SLC44A5: variants seen among roughly 807,000 people sequenced by gnomAD.
The protein encoded by SLC44A5 is choline transporter-like protein 5.
A neutral mutation model predicts 101.8 loss-of-function variants in SLC44A5; 57 were observed. That is an observed-to-expected ratio of 0.56 (90% confidence interval 0.45 to 0.70). SLC44A5 has a LOEUF of 0.70. Ranked by LOEUF, SLC44A5 falls within the 30% of genes least tolerant of loss-of-function variation. SLC44A5 has a pLI of 0.00. For synonymous variants in SLC44A5, 281 were observed against 290.9 expected (o/e 0.97, Z 0.35); for missense variants, 737 against 853.1 (o/e 0.86, Z 1.70).
At chr1:75,229,432 C>T (rs1319657936) in intron 12 of SLC44A5, among the ~76,000 whole-genome samples, 1 of 152,104 alleles carries the variant, frequency 6.6e-6, no homozygotes, top group African/African-American at 2.4e-5. Flanking sequence ...ACTCAGTACA[C>T]CCATCCACAC....
At chr1:75,458,294 C>T (rs1279707039) in intron 2 of SLC44A5, among the ~76,000 whole-genome samples, 1 of 152,066 alleles carries the variant, frequency 6.6e-6, no homozygotes, top group East Asian at 1.9e-4. Flanking sequence ...GGGCATAAAG[C>T]ATGAAGAAAT....
At chr1:75,246,755 G>A (rs1649143494) in intron 7 of SLC44A5, among the ~76,000 whole-genome samples, 1 of 151,962 alleles carries the variant, frequency 6.6e-6, no homozygotes, top group African/African-American at 2.4e-5. Flanking sequence ...TGGACAGGAT[G>A]AGCAATCAAG....
At chr1:75,641,852 T>G in the SLC44A5 span, 1 of 1,514,518 alleles carries the variant, frequency 6.6e-7, no homozygotes. Context: ...AACCTCCTCT[T>G]CAAATACCAC....
chr1:75,357,037 C>A (rs1170079637), intron 3 of SLC44A5, among the ~76,000 whole-genome samples: 2 of 152,192 alleles, frequency 1.3e-5, no homozygotes, highest in African/African-American at 4.8e-5. Flanking sequence ...TATTCCCATC[C>A]TTAAGTGGCA....
In SLC44A5 at chr1:75,303,231, TTTTG is replaced by T. The variant is rs199575450; in HGVS notation, c.102-2550_102-2547del. The stretch of plus-strand genomic sequence containing the variant: ...CAGAAGCGGATCCCAAATGGAAGGT[TTTTG>T]TTTGTTTGTTTGTTTTTTGAGCCGG... On this transcript the variant is annotated intron_variant, in intron 4 of 23. Coordinates refer to ENST00000370859, the MANE Select transcript of SLC44A5 (RefSeq NM_001130058.2). Among the ~76,000 whole-genome samples the T allele has an allele frequency of 5.8e-3, 883 of 152,092 alleles. 5 individuals are homozygous for T. Among genetic ancestry groups the T allele is most frequent in the African/African-American group, 0.02 (838 of 41,492 alleles).
chr1:75,582,301 A>G, intron 1 of SLC44A5: 6 of 1,524,346 alleles, frequency 3.9e-6, no homozygotes, highest in Non-Finnish European at 5.4e-6. Flanking sequence ...GTGCACGTGC[A>G]AAGGCTATCA....
intron 3 of SLC44A5, among the ~76,000 whole-genome samples, chr1:75,374,365 A>G (rs917117603): frequency 2.6e-5 from 4 of 152,154 alleles, no homozygotes; most frequent in African/African-American, 9.7e-5. Context: ...GGCTTAGAGG[A>G]CCAGTAGGTC....
intron 2 of SLC44A5, among the ~76,000 whole-genome samples, chr1:75,463,187 C>T (rs774416780): frequency 3.3e-5 from 5 of 152,000 alleles, no homozygotes; most frequent in Admixed American, 2.0e-4. Context: ...TTTGGAAGGC[C>T]GAGGCAGGCG....
chr1:75,686,102 G>C, the SLC44A5 span, among the ~76,000 whole-genome samples: 1 of 152,092 alleles, frequency 6.6e-6, no homozygotes, highest in African/African-American at 2.4e-5. Flanking sequence ...CCACCCCCAT[G>C]GTTCAATTAC....
At chr1:75,643,788 C>T in the SLC44A5 span, among the ~76,000 whole-genome samples, 1 of 152,240 alleles carries the variant, frequency 6.6e-6, no homozygotes, top group African/African-American at 2.4e-5. Flanking sequence ...GCCTCCTCAG[C>T]CATGTGGGAC....
intron 2 of SLC44A5, among the ~76,000 whole-genome samples, chr1:75,504,158 A>G (rs1669121329): frequency 6.6e-6 from 1 of 152,216 alleles, no homozygotes; most frequent in South Asian, 2.1e-4. Context: ...TTATCTTAAA[A>G]TAATTAATAT....
intron 2 of SLC44A5, among the ~76,000 whole-genome samples, chr1:75,475,864 C>T (rs1667360729): frequency 6.6e-6 from 1 of 152,220 alleles, no homozygotes; most frequent in Non-Finnish European, 1.5e-5. Context: ...CCAATTTCTT[C>T]ATCTGTAAAA....
At chr1:75,614,903 C>T (rs185841502), upstream of SLC44A5, among the ~76,000 whole-genome samples, 630 of 152,220 alleles carry the variant, frequency 4.1e-3, 3 homozygotes, top group Admixed American at 6.7e-3. Flanking sequence ...TCTGCGAGTC[C>T]CCCAGCGAGA....
chr1:75,350,098 G>C (rs1658534860), intron 3 of SLC44A5, among the ~76,000 whole-genome samples: 1 of 151,990 alleles, frequency 6.6e-6, no homozygotes, highest in South Asian at 2.1e-4. Context: ...CCCAACTCCA[G>C]CCCAACTATG....
intron 3 of SLC44A5, chr1:75,353,894 C>CA (rs1387084163): frequency 9.7e-6 from 2 of 205,168 alleles, no homozygotes; most frequent in Non-Finnish European, 2.0e-5. Flanking sequence ...GGAGGGGTGG[C>CA]ACCTCCAGCT....
At chr1:75,234,133 T>G in intron 11 of SLC44A5, 35 bp from the exon 12 acceptor site, 2 of 1,459,164 alleles carry the variant, frequency 1.4e-6, no homozygotes, top group Non-Finnish European at 1.9e-6. Flanking sequence ...AGTGGTCAAG[T>G]GTGCTAAACA....
chr1:75,471,765 G>A (rs191050969), intron 2 of SLC44A5, among the ~76,000 whole-genome samples: 16 of 151,760 alleles, frequency 1.1e-4, no homozygotes, highest in Admixed American at 4.0e-4. Context: ...GTTTCTTATG[G>A]GCATTTACTC....
intron 1 of SLC44A5, among the ~76,000 whole-genome samples, chr1:75,579,248 T>G (rs1673543522): frequency 6.6e-6 from 1 of 152,162 alleles, no homozygotes; most frequent in African/African-American, 2.4e-5. Flanking sequence ...GGAAATGCCT[T>G]TGACTAATCA....
intron 2 of SLC44A5, among the ~76,000 whole-genome samples, chr1:75,479,905 G>C (rs1267448816): frequency 6.6e-6 from 1 of 152,190 alleles, no homozygotes; most frequent in African/African-American, 2.4e-5. Flanking sequence ...ATTTGAGGAG[G>C]CCAGCATCAT....
Sources: allele counts gnomAD v4.1 joint callset (sites outside exome capture counted in the v4.1 genomes callset), GRCh38; gene constraint gnomAD v4.1.1; transcripts MANE v1.5; gene names NCBI Gene and HGNC (gene_info 2026-07-23, HGNC 2026-07-21).